Variants in GRID1 observed in about 807,000 individuals in gnomAD.
GRID1 encodes the protein glutamate receptor ionotropic, delta-1.
A neutral mutation model predicts 98.0 loss-of-function variants in GRID1; 28 were observed. The observed-to-expected ratio is 0.29, with a 90% confidence interval of 0.21 to 0.39. The LOEUF (loss-of-function observed/expected upper bound fraction) is 0.39, where lower values mean the gene tolerates loss of function less well. Ranked by LOEUF, GRID1 falls within the 10% of genes least tolerant of loss-of-function variation. The probability of loss-of-function intolerance (pLI) is 1.00; values close to 1 mark genes in which losing one functional copy is unlikely to be tolerated. For missense variants in GRID1, 1,111 were observed against 1,340.5 expected, an observed-to-expected ratio of 0.83 and a Z score of 2.67; for synonymous variants, 553 against 538.5, an observed-to-expected ratio of 1.03 and a Z score of -0.37.
intron 8 of GRID1, among the ~76,000 whole-genome samples, chr10:85,742,169 C>T (rs1041427768): frequency 8.5e-5 from 13 of 152,186 alleles, no homozygotes; most frequent in African/African-American, 3.1e-4. Flanking sequence ...CTTTCTGGCA[C>T]GTGGCATGCA....
At chr10:86,215,470 G>C (rs1348401062) in intron 2 of GRID1, among the ~76,000 whole-genome samples, 1 of 152,188 alleles carries the variant, frequency 6.6e-6, no homozygotes, top group African/African-American at 2.4e-5. Context: ...TAGCTCTCCA[G>C]CTCCTCATTA....
At chr10:86,360,487 C>T (rs535789649) in intron 2 of GRID1, among the ~76,000 whole-genome samples, 4 of 152,148 alleles carry the variant, frequency 2.6e-5, no homozygotes, top group Non-Finnish European at 2.9e-5. Context: ...ATGCTCATTG[C>T]AGCAATGCAT....
chr10:86,306,394 C>T (rs1461364428), intron 2 of GRID1, among the ~76,000 whole-genome samples: 2 of 152,218 alleles, frequency 1.3e-5, no homozygotes, highest in African/African-American at 4.8e-5. Context: ...CCAATAGCTT[C>T]CTCCCAGTGA....
At chr10:85,754,635 G>C (rs569011228) in intron 8 of GRID1, among the ~76,000 whole-genome samples, 12 of 152,334 alleles carry the variant, frequency 7.9e-5, no homozygotes, top group Non-Finnish European at 1.3e-4. Context: ...GGTAAAAAGA[G>C]AGCATACTAT....
chr10:85,763,567 A>G (rs1487794674), intron 8 of GRID1, among the ~76,000 whole-genome samples: 1 of 152,250 alleles, frequency 6.6e-6, no homozygotes, highest in African/African-American at 2.4e-5. Flanking sequence ...GTGACAAAAC[A>G]TGACCTGCAG....
At chr10:86,146,390 C>T (rs1198902292) in intron 3 of GRID1, among the ~76,000 whole-genome samples, 1 of 152,198 alleles carries the variant, frequency 6.6e-6, no homozygotes, top group Non-Finnish European at 1.5e-5. Context: ...AAGAGCCCTA[C>T]CCAGCCTCCT....
At chr10:85,813,456 A>G (rs1039400069) in intron 8 of GRID1, among the ~76,000 whole-genome samples, 5 of 144,850 alleles carry the variant, frequency 3.5e-5, no homozygotes, top group African/African-American at 5.1e-5. Flanking sequence ...TAAAATGTGA[A>G]ACGCTGAAAA....
intron 4 of GRID1, among the ~76,000 whole-genome samples, chr10:86,005,349 T>G (rs1477730004): frequency 9.1e-6 from 1 of 109,684 alleles, no homozygotes; most frequent in Middle Eastern, 4.3e-3. Context: ...TAAAATAAAT[T>G]GAAAAAAAAA....
intron 2 of GRID1, among the ~76,000 whole-genome samples, chr10:86,220,335 C>T (rs886308358): frequency 2.6e-5 from 4 of 152,306 alleles, no homozygotes; most frequent in African/African-American, 4.8e-5. Context: ...TACCCGGACT[C>T]GAATCCCTGC....
In GRID1 at chr10:85,613,660, A is replaced by G. The variant is rs1303288274; in HGVS notation, c.2361-13T>C. ...CAGCTCCAGGATCCTGTAAGACACA[A>G]TCAAGGTGAGCTATAGCCACTGACG... On this transcript the variant is annotated splice_polypyrimidine_tract_variant and intron_variant, in intron 14 of 15. Coordinates refer to ENST00000327946, the MANE Select transcript of GRID1 (RefSeq NM_017551.3). 1.9e-6 allele frequency: 3 copies of G among 1,609,980 alleles called. No homozygotes were observed. The highest frequency in any genetic ancestry group is 1.7e-5 in the Admixed American group (1 of 59,864).
At chr10:85,611,076 G>A (rs555554073) in intron 15 of GRID1, among the ~76,000 whole-genome samples, 8 of 152,274 alleles carry the variant, frequency 5.3e-5, no homozygotes, top group Non-Finnish European at 7.4e-5. Context: ...ATGTTTTACC[G>A]GCAAGAAAGG....
chr10:85,736,046 AAAGGAAAGAAGG>A (rs1205027090), intron 8 of GRID1, among the ~76,000 whole-genome samples: 1 of 112,630 alleles, frequency 8.9e-6, no homozygotes, highest in Admixed American at 9.2e-5. Context: ...AGGGAGGGAG[AAAGGAAAGAAGG>A]AAGGAGAGAG....
chr10:86,328,239 T>C (rs762862731), intron 2 of GRID1, among the ~76,000 whole-genome samples: 9 of 152,250 alleles, frequency 5.9e-5, no homozygotes, highest in Non-Finnish European at 8.8e-5. Context: ...TTTCTCTAAA[T>C]GTAAACACAG....
At chr10:85,963,255 C>T (rs1046817390) in intron 4 of GRID1, among the ~76,000 whole-genome samples, 4 of 151,966 alleles carry the variant, frequency 2.6e-5, no homozygotes, top group African/African-American at 4.8e-5. Context: ...AATTGGGTTT[C>T]GGGTCCCATG....
At chr10:86,067,446 CA>C (rs971167516) in intron 4 of GRID1, among the ~76,000 whole-genome samples, 1 of 152,164 alleles carries the variant, frequency 6.6e-6, no homozygotes, top group Non-Finnish European at 1.5e-5. Context: ...GACCTCACCC[CA>C]AAAAGCCAGA....
At chr10:85,823,077 T>C (rs1439055284) in intron 8 of GRID1, among the ~76,000 whole-genome samples, 1 of 152,120 alleles carries the variant, frequency 6.6e-6, no homozygotes, top group Non-Finnish European at 1.5e-5. Flanking sequence ...TTAGGAGATA[T>C]ACCTAATGTA....
chr10:86,097,285 A>C (rs1005281627), intron 4 of GRID1, among the ~76,000 whole-genome samples: 1 of 152,240 alleles, frequency 6.6e-6, no homozygotes, highest in African/African-American at 2.4e-5. Flanking sequence ...ATGAGAGAGG[A>C]TTTATTAGGG....
chr10:85,614,578 A>G (rs1000975317), intron 14 of GRID1, among the ~76,000 whole-genome samples: 2 of 151,924 alleles, frequency 1.3e-5, no homozygotes, highest in Non-Finnish European at 1.5e-5. Flanking sequence ...AACTTGGGGG[A>G]GGAAGAAACT....
At chr10:86,160,840 G>A (rs1845311547) in intron 3 of GRID1, among the ~76,000 whole-genome samples, 1 of 152,222 alleles carries the variant, frequency 6.6e-6, no homozygotes, top group African/African-American at 2.4e-5. Flanking sequence ...AGCAGGGAAT[G>A]GAGTCTAGGA....
Sources: allele counts gnomAD v4.1 joint callset (sites outside exome capture counted in the v4.1 genomes callset), GRCh38; gene constraint gnomAD v4.1.1; transcripts MANE v1.5; gene names NCBI Gene and HGNC (gene_info 2026-07-23, HGNC 2026-07-21).